GPT2: variants seen among roughly 807,000 people sequenced by gnomAD.
The protein encoded by GPT2 is alanine aminotransferase 2.
A neutral mutation model predicts 56.9 loss-of-function variants in GPT2; 30 were observed. The observed-to-expected ratio is 0.53, with a 90% CI of 0.39 to 0.72. The LOEUF is 0.72. GPT2 is among the 30% of genes least tolerant of loss of function. The pLI is 0.00. For synonymous variants in GPT2, 271 were observed against 283.1 expected, an observed-to-expected ratio of 0.96 and a Z score of 0.43; for missense variants, 542 against 703.4, an observed-to-expected ratio of 0.77 and a Z score of 2.60.
chr16:46,930,461 G>C lies in GPT2; in HGVS notation c.*1464G>C, dbSNP rs1379144208. ...CCTCTATGCTGTGATTTCCACACCG[G>C]GTCCGTGCAGAGGAAACAGAAACTC... On this transcript the variant is annotated 3_prime_UTR_variant, in exon 12 of 12. Transcript: ENST00000340124. The C allele has an allele frequency of 6.6e-6, 1 of 152,218 alleles. No individual in the cohort carries two copies. The highest frequency in any genetic ancestry group is 1.5e-5 in the Non-Finnish European group (1 of 68,048). 9.4% of individuals were successfully genotyped at this position (152,218 alleles called of 1,614,324 possible). A position where few individuals can be genotyped will look rare whatever the true frequency, so the allele number is the denominator to read the frequency against.
intron 4 of GPT2, 80 bp downstream of exon 4, chr16:46,900,870 C>A: frequency 8.6e-7 from 1 of 1,164,826 alleles, no homozygotes; most frequent in Non-Finnish European, 1.3e-6. Context: ...GCGGAGGGTC[C>A]TGCATGCGAA....
rs143199128 is a variant in GPT2, at chr16:46,924,632, A to C, written c.1368+88A>C. On this transcript the variant is annotated intron_variant, in intron 10 of 11. Coordinates refer to ENST00000340124, the MANE Select transcript of GPT2 (RefSeq NM_133443.4). The stretch of plus-strand genomic sequence containing the variant: ...GCCCCTGCTTATCTTGGGGAGCAGA[A>C]GTGCTGGCCCTGGAGGCTCGGAACT... The C allele has an allele frequency of 6.6e-4, 934 of 1,415,056 alleles. 9 individuals carry two copies. In the African/African-American group the frequency reaches 0.012, roughly 19 times the overall value. 87.7% of individuals were successfully genotyped at this position (1,415,056 alleles called of 1,614,324 possible).
chr16:46,900,542 T>G (rs996766910), intron 3 of GPT2, 140 bp from the exon 4 acceptor site: 2 of 610,582 alleles, frequency 3.3e-6, no homozygotes, highest in Non-Finnish European at 5.9e-6. Flanking sequence ...ACTCCCAAGC[T>G]CCCACAGGCT....
At chr16:46,904,628 T>A (rs1960884706) in intron 4 of GPT2, among the ~76,000 whole-genome samples, 1 of 152,002 alleles carries the variant, frequency 6.6e-6, no homozygotes, top group Non-Finnish European at 1.5e-5. Context: ...AGAAGTAACA[T>A]TCAGAGAAGC....
At chr16:46,895,060 G>C (rs1960661621) in intron 2 of GPT2, among the ~76,000 whole-genome samples, 1 of 152,166 alleles carries the variant, frequency 6.6e-6, no homozygotes, top group Admixed American at 6.5e-5. Flanking sequence ...GAGAAACATA[G>C]CTTGTAGGAC....
chr16:46,907,968 G>T (rs117529208), intron 5 of GPT2, among the ~76,000 whole-genome samples: 5 of 151,508 alleles, frequency 3.3e-5, no homozygotes, highest in African/African-American at 1.2e-4. Context: ...GGTGGAGCCT[G>T]CAGTCCTGGG....
intron 6 of GPT2, among the ~76,000 whole-genome samples, chr16:46,914,778 G>A (rs1054959684): frequency 7.2e-5 from 11 of 152,320 alleles, no homozygotes; most frequent in African/African-American, 2.4e-4. Flanking sequence ...GCTCATGGGT[G>A]CCTCTCTGGG....
Position 46,924,391 on chromosome 16 carries a change from G to A in GPT2, c.1215G>A (p.Glu405=). The A allele has an allele frequency of 1.2e-6, 2 of 1,614,214 alleles. No homozygotes were observed. The highest frequency in any genetic ancestry group is 1.1e-5 in the South Asian group (1 of 91,080). The change falls in exon 10 of 12, where the codon GAG becomes GAA. Residue 405 remains glutamate (E), a splice_region_variant and synonymous_variant. Coordinates refer to ENST00000340124, the MANE Select transcript of GPT2 (RefSeq NM_133443.4). Reference sequence around the variant, plus strand: ...GTGCTGTTTCCATCTCTCATCAGGAGAAGGAGTCGGTCCTGGGTAATCTGG... The same window carrying A: ...GTGCTGTTTCCATCTCTCATCAGGAAAAGGAGTCGGTCCTGGGTAATCTGG... ...GEESFEQFSR[E]KESVLGNLAK...
At chr16:46,915,225 C>T (rs2143505227) in intron 6 of GPT2, 1 of 152,268 alleles carries the variant, frequency 6.6e-6, no homozygotes, top group African/African-American at 2.4e-5. Flanking sequence ...TCTCCCTGCT[C>T]CTTATGATGC....
chr16:46,921,702 T>C (rs1961291478), intron 8 of GPT2, among the ~76,000 whole-genome samples: 1 of 152,178 alleles, frequency 6.6e-6, no homozygotes, highest in Admixed American at 6.5e-5. Flanking sequence ...TATTTTCATA[T>C]GATTTGATTT....
chr16:46,901,947 C>G (rs1294504273), intron 4 of GPT2, among the ~76,000 whole-genome samples: 1 of 152,218 alleles, frequency 6.6e-6, no homozygotes, highest in African/African-American at 2.4e-5. Context: ...CTTCCGGGCT[C>G]CTTTCCCCCC....
intron 3 of GPT2, among the ~76,000 whole-genome samples, chr16:46,899,268 A>C (rs1216629709): frequency 6.6e-6 from 1 of 151,958 alleles, no homozygotes; most frequent in Non-Finnish European, 1.5e-5. Flanking sequence ...TCCTGGACCC[A>C]AGTAATCCTT....
chr16:46,906,618 G>C (rs1389065747), intron 4 of GPT2, among the ~76,000 whole-genome samples: 1 of 152,128 alleles, frequency 6.6e-6, no homozygotes, highest in Non-Finnish European at 1.5e-5. Context: ...GTGGATGGAT[G>C]TGTGGGTGGA....
chr16:46,906,923 C>T lies in GPT2; in HGVS notation c.524C>T (p.Pro175Leu), dbSNP rs1960943188. The change falls in exon 5 of 12, where the codon CCT becomes CTT. Residue 175 changes from proline to leucine, a missense_variant. Pro to Leu is a moderately conservative substitution (Grantham distance 98). Coordinates refer to ENST00000340124, the MANE Select transcript of GPT2 (RefSeq NM_133443.4). ...AYITRRDGGV[P>L]ADPDNIYLTT... ...ATCACCAGGAGGGATGGCGGTGTGCCTGCGGACCCCGACAACATCTACCTG... is the reference window on the plus strand; with the variant it reads ...ATCACCAGGAGGGATGGCGGTGTGCTTGCGGACCCCGACAACATCTACCTG... The T allele has an allele frequency of 6.2e-7, 1 of 1,614,110 alleles. No homozygotes were observed. Among genetic ancestry groups the T allele is most frequent in the Admixed American group, 1.7e-5 (1 of 60,012 alleles).
At chr16:46,906,349 C>T (rs1348249176) in intron 4 of GPT2, among the ~76,000 whole-genome samples, 6 of 152,168 alleles carry the variant, frequency 3.9e-5, no homozygotes, top group Non-Finnish European at 7.4e-5. Flanking sequence ...GGGATTACTG[C>T]GCCCAGCCCA....
intron 2 of GPT2, among the ~76,000 whole-genome samples, chr16:46,893,753 G>C (rs574355844): frequency 6.6e-6 from 1 of 152,188 alleles, no homozygotes; most frequent in Non-Finnish European, 1.5e-5. Context: ...GTGCATCTGT[G>C]CCGCACAGGG....
At chr16:46,900,253 G>A (rs183359928) in intron 3 of GPT2, among the ~76,000 whole-genome samples, 2 of 152,100 alleles carry the variant, frequency 1.3e-5, no homozygotes, top group African/African-American at 4.8e-5. Flanking sequence ...AGGAATGCAG[G>A]GGGAGGGGGC....
intron 2 of GPT2, among the ~76,000 whole-genome samples, chr16:46,894,717 G>C (rs1322177949): frequency 1.3e-5 from 2 of 151,892 alleles, no homozygotes; most frequent in African/African-American, 2.4e-5. Flanking sequence ...CCAGGCTGGA[G>C]TGCAGTGGCG....
Position 46,929,778 on chromosome 16 carries a change from A to G in GPT2, c.*781A>G, listed in dbSNP as rs1384697812. 6.6e-6 allele frequency: 1 copy of G among 152,400 alleles called. No homozygotes were observed. Among genetic ancestry groups the G allele is most frequent in the African/African-American group, 2.4e-5 (1 of 41,470 alleles). The allele number at this position is 152,400 out of a possible 1,614,324, so 9.4% of individuals were successfully genotyped here. A position where few individuals can be genotyped will look rare whatever the true frequency, so the allele number is the denominator to read the frequency against. ...AGGTCTCCCTGAATTTCAGTGACAC[A>G]TAGTGCAGCCCGGCAGTGTCCCACT... On this transcript the variant is annotated 3_prime_UTR_variant, in exon 12 of 12. Coordinates refer to ENST00000340124, the MANE Select transcript of GPT2 (RefSeq NM_133443.4).
Sources: gnomAD v4.1 joint callset for allele counts (sites outside exome capture counted in the v4.1 genomes callset) on GRCh38, gnomAD v4.1.1 for gene constraint, MANE v1.5 for transcripts, NCBI Gene and HGNC (gene_info 2026-07-23, HGNC 2026-07-21) for gene names.